The following CLOCK variants were observed in gnomAD, a reference collection of about 807,000 sequenced individuals.
CLOCK encodes the protein clock circadian regulator.
In CLOCK, 43 loss-of-function variants were observed where a neutral mutation model predicts 118.4. The observed-to-expected ratio is 0.36, with a 90% CI of 0.28 to 0.47. The LOEUF is 0.47. Ranked by LOEUF, CLOCK falls within the 20% of genes least tolerant of loss-of-function variation. CLOCK has a pLI of 1.00. For synonymous variants in CLOCK, 326 were observed against 339.2 expected, an observed-to-expected ratio of 0.96 and a Z score of 0.43; for missense variants, 846 against 999.9, an observed-to-expected ratio of 0.85 and a Z score of 2.08.
intron 3 of CLOCK, among the ~76,000 whole-genome samples, chr4:55,486,214 A>G (rs1051157046): frequency 2.6e-5 from 4 of 152,154 alleles, no homozygotes; most frequent in Non-Finnish European, 5.9e-5. Context: ...TAGAGTTACC[A>G]TTTTGTTGTT....
chr4:55,476,094 C>A (rs1726492343), intron 6 of CLOCK, 40 bp from the exon 7 acceptor site: 4 of 1,300,268 alleles, frequency 3.1e-6, no homozygotes, highest in Non-Finnish European at 4.5e-6. Context: ...ACTCCAACCA[C>A]CGGAGGAGTA....
At chr4:55,543,829 A>G (rs1406579529) in intron 1 of CLOCK, among the ~76,000 whole-genome samples, 1 of 152,134 alleles carries the variant, frequency 6.6e-6, no homozygotes, top group Non-Finnish European at 1.5e-5. Flanking sequence ...GATTGAACGG[A>G]CCCACATGGA....
At chr4:55,518,885 CT>C (rs1729681373) in intron 1 of CLOCK, among the ~76,000 whole-genome samples, 1 of 152,174 alleles carries the variant, frequency 6.6e-6, no homozygotes, top group Non-Finnish European at 1.5e-5. Flanking sequence ...TCCAATGCCC[CT>C]GGATGACACT....
intron 3 of CLOCK, among the ~76,000 whole-genome samples, 152 bp from the exon 4 acceptor site, chr4:55,482,980 G>A (rs1577770331): frequency 6.6e-6 from 1 of 152,034 alleles, no homozygotes; most frequent in South Asian, 2.1e-4. Context: ...AAATACCTAT[G>A]GCTGAGGTAC....
At chr4:55,465,133 AAAC>A (rs1458609406) in intron 8 of CLOCK, among the ~76,000 whole-genome samples, 1 of 152,218 alleles carries the variant, frequency 6.6e-6, no homozygotes, top group African/African-American at 2.4e-5. Flanking sequence ...TATTCAGGAA[AAAC>A]AAAAAACAGA....
chr4:55,449,469 G>A lies in CLOCK; in HGVS notation c.1376C>T (p.Thr459Met), dbSNP rs200566706. ...SSTPTKIPTD[T>M]STPPRQHLPA... ...TAAATGCTGCCTGGGTGGAGTGCTC[G>A]TATCCGTCGGGATCTTGGTTGGTGT... The change falls in exon 17 of 23, where the codon ACG (threonine) becomes ATG (methionine). Residue 459 changes from threonine (T) to methionine (M), a missense_variant. Thr to Met is a moderately conservative substitution (Grantham distance 81, BLOSUM62 -1). Transcript: ENST00000513440. 89 of 1,613,842 alleles carry A rather than the reference G, an allele frequency of 5.5e-5. No individual in the cohort carries two copies. In the Middle Eastern group the frequency reaches 6.6e-4, roughly 12 times the overall value.
chr4:55,526,150 A>G (rs1730172614), intron 1 of CLOCK, among the ~76,000 whole-genome samples: 4 of 152,254 alleles, frequency 2.6e-5, no homozygotes, highest in Admixed American at 2.6e-4. Flanking sequence ...GATAAGAGAT[A>G]TTCAACCTGT....
chr4:55,447,654 T>A (rs17085729), intron 18 of CLOCK, among the ~76,000 whole-genome samples: 2,572 of 152,258 alleles, frequency 0.017, 69 homozygotes, highest in African/African-American at 0.059. Context: ...AATATCCCCA[T>A]AACATGTTAA....
chr4:55,514,988 G>A (rs2110040487), intron 1 of CLOCK, among the ~76,000 whole-genome samples: 1 of 152,248 alleles, frequency 6.6e-6, no homozygotes, highest in Middle Eastern at 3.4e-3. Flanking sequence ...GGTAGAATTA[G>A]AACTCACCAA....
At chr4:55,456,038 T>A in intron 12 of CLOCK, 35 bp from the exon 13 acceptor site, 1 of 1,493,452 alleles carries the variant, frequency 6.7e-7, no homozygotes, top group Non-Finnish European at 9.2e-7. Context: ...TATTATAAGT[T>A]TTTCCATAAT....
At chr4:55,503,827 G>A (rs1037863527) in intron 2 of CLOCK, among the ~76,000 whole-genome samples, 1 of 151,924 alleles carries the variant, frequency 6.6e-6, no homozygotes, top group African/African-American at 2.4e-5. Context: ...TCAACAGAAA[G>A]TCTAGCTTGA....
chr4:55,515,165 GCA>G (rs926838991), intron 1 of CLOCK, among the ~76,000 whole-genome samples: 15 of 152,196 alleles, frequency 9.9e-5, no homozygotes, highest in Admixed American at 5.9e-4. Context: ...AAATTCGTGG[GCA>G]CAGAGTTGTT....
At chr4:55,476,166 T>C (rs1726498005) in intron 6 of CLOCK, 112 bp from the exon 7 acceptor site, 1 of 722,166 alleles carries the variant, frequency 1.4e-6, no homozygotes. Context: ...ACCGTAGGCA[T>C]TAACATTTAT....
intron 21 of CLOCK, among the ~76,000 whole-genome samples, chr4:55,439,434 GC>G (rs1239923712): frequency 1.3e-5 from 2 of 152,110 alleles, no homozygotes; most frequent in Non-Finnish European, 2.9e-5. Context: ...AAATGGTGCA[GC>G]CACTATGGAA....
chr4:55,545,989 A>G (rs1731592798), intron 1 of CLOCK: 2 of 152,178 alleles, frequency 1.3e-5, no homozygotes, highest in African/African-American at 4.8e-5. Flanking sequence ...CACTAACGGA[A>G]CCAGCCCGCG....
intron 1 of CLOCK, among the ~76,000 whole-genome samples, chr4:55,517,690 A>C (rs1729603033): frequency 6.6e-6 from 1 of 152,102 alleles, no homozygotes. Context: ...TTTAGAAGAG[A>C]CTATGTAGAT....
Position 55,453,687 on chromosome 4 carries a change from T to C in CLOCK, c.1120A>G (p.Thr374Ala). ...SRPEFIVCTHTVVSYAEVRAE... is the reference protein window; with the variant it reads ...SRPEFIVCTHAVVSYAEVRAE... ...TAAAAGAATTATTACCTTACTACAGTGTGAGTACAAACAATAAACTCTGGC... is the reference window on the plus strand; with the variant it reads ...TAAAAGAATTATTACCTTACTACAGCGTGAGTACAAACAATAAACTCTGGC... Residue 374 changes from threonine to alanine, a missense_variant, in exon 14 of 23, where the codon ACT (threonine) becomes GCT (alanine). Physicochemically the swap from Thr to Ala is moderately conservative, Grantham distance 58. Transcript: ENST00000513440. 1.2e-6 allele frequency: 2 copies of C among 1,610,300 alleles called. No individual in the cohort carries two copies. The highest frequency in any genetic ancestry group is 1.7e-6 in the Non-Finnish European group (2 of 1,177,294).
chr4:55,503,245 C>G (rs1187015692), intron 2 of CLOCK, among the ~76,000 whole-genome samples: 8 of 152,154 alleles, frequency 5.3e-5, no homozygotes. Flanking sequence ...AGAAACACCC[C>G]AAATGTTCAT....
chr4:55,466,630 T>C (rs920049457), intron 8 of CLOCK, among the ~76,000 whole-genome samples: 5 of 152,274 alleles, frequency 3.3e-5, no homozygotes, highest in Admixed American at 2.6e-4. Flanking sequence ...TTCATATTCA[T>C]AGAGAAAAGA....
Sources: allele counts gnomAD v4.1 joint callset (sites outside exome capture counted in the v4.1 genomes callset), GRCh38; gene constraint gnomAD v4.1.1; transcripts MANE v1.5; gene names NCBI Gene and HGNC (gene_info 2026-07-23, HGNC 2026-07-21).